The following ROR1 variants were observed in gnomAD, a reference collection of about 807,000 sequenced individuals.
The protein encoded by ROR1 is inactive tyrosine-protein kinase transmembrane receptor ROR1.
In ROR1, 19 loss-of-function variants were observed where a neutral mutation model predicts 78.8. The observed-to-expected ratio is 0.24, with a 90% CI of 0.17 to 0.35. The LOEUF is 0.35. Among genes scored for constraint, ROR1 ranks in the 10% least tolerant of loss-of-function variants. The pLI is 1.00. For synonymous variants in ROR1, 386 were observed against 433.6 expected, an observed-to-expected ratio of 0.89 and a Z score of 1.36; for missense variants, 917 against 1,177.8, an observed-to-expected ratio of 0.78 and a Z score of 3.24.
intron 8 of ROR1, among the ~76,000 whole-genome samples, chr1:64,175,361 G>T (rs928139875): frequency 1.3e-5 from 2 of 151,924 alleles, no homozygotes; most frequent in African/African-American, 2.4e-5. Context: ...CATACGAAAC[G>T]TCCTCATTCT....
intron 4 of ROR1, among the ~76,000 whole-genome samples, chr1:64,056,482 C>T (rs1646875596): frequency 6.6e-6 from 1 of 151,904 alleles, no homozygotes; most frequent in African/African-American, 2.4e-5. Flanking sequence ...TGAGACCAGC[C>T]TGGCCAACAT....
At chr1:64,033,242 A>C (rs907980254) in intron 2 of ROR1, among the ~76,000 whole-genome samples, 6 of 152,232 alleles carry the variant, frequency 3.9e-5, no homozygotes, top group African/African-American at 9.6e-5. Flanking sequence ...AAGAATGATA[A>C]TAACAAATTT....
At chr1:64,012,982 A>G (rs1318612743) in intron 2 of ROR1, among the ~76,000 whole-genome samples, 1 of 152,180 alleles carries the variant, frequency 6.6e-6, no homozygotes, top group Non-Finnish European at 1.5e-5. Context: ...AGCCAGGGTG[A>G]CTGACTAGGT....
chr1:63,871,125 C>G (rs546739151), intron 1 of ROR1, among the ~76,000 whole-genome samples: 2 of 152,162 alleles, frequency 1.3e-5, no homozygotes, highest in Non-Finnish European at 2.9e-5. Context: ...GTTGTTATTT[C>G]CTGCTTCACA....
chr1:64,078,254 T>C (rs1647068809), intron 4 of ROR1, among the ~76,000 whole-genome samples: 1 of 152,156 alleles, frequency 6.6e-6, no homozygotes, highest in South Asian at 2.1e-4. Context: ...AAATGGCATG[T>C]GAGGGTCTTG....
chr1:63,962,656 C>T (rs1035892277), intron 1 of ROR1, among the ~76,000 whole-genome samples: 1 of 152,082 alleles, frequency 6.6e-6, no homozygotes, highest in Non-Finnish European at 1.5e-5. Flanking sequence ...CAGGCAGGGT[C>T]AAATGTGAGC....
chr1:63,991,896 G>A (rs562207370), intron 1 of ROR1, among the ~76,000 whole-genome samples: 3 of 152,240 alleles, frequency 2.0e-5, no homozygotes, highest in East Asian at 3.9e-4. Context: ...CACCTGTCTC[G>A]CTTGACTAAC....
chr1:64,017,278 T>G (rs1646529171), intron 2 of ROR1, among the ~76,000 whole-genome samples: 2 of 152,130 alleles, frequency 1.3e-5, no homozygotes, highest in South Asian at 4.1e-4. Context: ...GTATATCTCC[T>G]GTATCCCTTT....
At chr1:63,832,556 G>A (rs894814876) in intron 1 of ROR1, among the ~76,000 whole-genome samples, 1 of 152,134 alleles carries the variant, frequency 6.6e-6, no homozygotes, top group African/African-American at 2.4e-5. Context: ...GTGGCTTTGG[G>A]AATCACTTAA....
At chr1:64,050,302 C>T (rs141660000) in intron 3 of ROR1, among the ~76,000 whole-genome samples, 199 of 152,242 alleles carry the variant, frequency 1.3e-3, no homozygotes, top group Non-Finnish European at 1.8e-3. Flanking sequence ...TGGAAATGTT[C>T]GCAGCGTGCA....
intron 4 of ROR1, among the ~76,000 whole-genome samples, chr1:64,097,140 G>T (rs1350679927): frequency 6.6e-6 from 1 of 151,900 alleles, no homozygotes; most frequent in Non-Finnish European, 1.5e-5. Flanking sequence ...GGCCTCACTG[G>T]CCTAAAATTA....
At chr1:64,145,232 T>A (rs945969732) in intron 7 of ROR1, among the ~76,000 whole-genome samples, 1 of 152,162 alleles carries the variant, frequency 6.6e-6, no homozygotes, top group African/African-American at 2.4e-5. Context: ...TTTTGAGGTA[T>A]GTCAGTTACA....
At position 63,925,983 on chromosome 1, in the gene ROR1, C is replaced by T. The variant is rs1189441718; in HGVS notation, c.92-83322C>T. ...GTAGGTTGCCTGTTCACTCTGATGG[C>T]AGTTTCTTTTGCTGTGCAGAAGCTC... On this transcript the variant is annotated intron_variant, in intron 1 of 8. Transcript: ENST00000371079. 1.1e-4 allele frequency among the ~76,000 whole-genome samples: 17 copies of T among 150,880 alleles called. No individual in the cohort carries two copies. The East Asian group carries it at 2.1e-3, about 19-fold the overall frequency.
intron 1 of ROR1, among the ~76,000 whole-genome samples, chr1:64,001,956 C>T (rs548034759): frequency 6.6e-6 from 1 of 152,092 alleles, no homozygotes; most frequent in Non-Finnish European, 1.5e-5. Flanking sequence ...TTATTCAGTA[C>T]TCTTCAAGTT....
intron 1 of ROR1, among the ~76,000 whole-genome samples, chr1:63,997,162 T>C (rs285371): frequency 0.7 from 106,794 of 152,042 alleles, 39,907 homozygotes; most frequent in East Asian, 0.94. Flanking sequence ...GGGTTTGTTT[T>C]TCTCCCCATC....
intron 2 of ROR1, among the ~76,000 whole-genome samples, chr1:64,010,178 C>T (rs575053237): frequency 6.6e-6 from 1 of 152,288 alleles, no homozygotes; most frequent in African/African-American, 2.4e-5. Context: ...CAAGACCAAG[C>T]ATAAAATTTA....
At chr1:63,880,144 A>G (rs182990245) in intron 1 of ROR1, among the ~76,000 whole-genome samples, 48 of 152,282 alleles carry the variant, frequency 3.2e-4, no homozygotes, top group Non-Finnish European at 6.3e-4. Flanking sequence ...AGTAATGACT[A>G]CAAGAGCTCT....
At chr1:64,053,511 T>C (rs1646849865) in intron 4 of ROR1, among the ~76,000 whole-genome samples, 1 of 152,234 alleles carries the variant, frequency 6.6e-6, no homozygotes, top group Non-Finnish European at 1.5e-5. Context: ...GGGTCCTGGC[T>C]ACCCCTAACA....
At chr1:64,103,794 TA>T (rs35139291) in intron 4 of ROR1, among the ~76,000 whole-genome samples, 1,906 of 147,550 alleles carry the variant, frequency 0.013, 39 homozygotes, top group African/African-American at 0.043. Context: ...CACTTCACCT[TA>T]AAAAAAAAAG....
Sources: gnomAD v4.1 joint callset for allele counts (sites outside exome capture counted in the v4.1 genomes callset) on GRCh38, gnomAD v4.1.1 for gene constraint, MANE v1.5 for transcripts, NCBI Gene and HGNC (gene_info 2026-07-23, HGNC 2026-07-21) for gene names.